NAV3: variants seen among roughly 807,000 people sequenced by gnomAD.
The protein encoded by NAV3 is pore membrane and/or filament interacting like protein 1.
Under a neutral mutation model 244.7 loss-of-function variants are expected in NAV3, and 87 were observed. That is an observed-to-expected ratio of 0.36 (90% CI 0.30 to 0.42). The LOEUF is 0.42. Ranked by LOEUF, NAV3 falls within the 20% of genes least tolerant of loss-of-function variation. The probability of loss-of-function intolerance (pLI) is 1.00; values close to 1 mark genes in which losing one functional copy is unlikely to be tolerated. For missense variants in NAV3, 2,663 were observed against 2,893.3 expected, an observed-to-expected ratio of 0.92 and a Z score of 1.83; for synonymous variants, 1,126 against 1,042.2, an observed-to-expected ratio of 1.08 and a Z score of -1.55.
intron 2 of NAV3, among the ~76,000 whole-genome samples, chr12:77,687,967 T>C (rs906999183): frequency 6.6e-6 from 1 of 152,102 alleles, no homozygotes; most frequent in African/African-American, 2.4e-5. Context: ...ATTGTTAGCA[T>C]TTTGTATATA....
At chr12:77,949,027 T>C (rs903724045) in intron 3 of NAV3, among the ~76,000 whole-genome samples, 2 of 152,020 alleles carry the variant, frequency 1.3e-5, no homozygotes, top group Admixed American at 6.6e-5. Context: ...TAAATTATTT[T>C]AATATGAATT....
rs368802788 is a variant in NAV3 at position 78,177,699 on chromosome 12, C to A, written c.5363+14C>A. The A allele has an allele frequency of 3.8e-6, 6 of 1,595,904 alleles. No individual in the cohort carries two copies. The East Asian group carries it at 1.1e-4, about 30-fold the overall frequency. ...GCATAGATCTCGGTAAAGTGGAGTG[C>A]GATGCATGAATACTGCAAAGATCCA... is the stretch of plus-strand genomic sequence containing the variant. On this transcript the variant is annotated intron_variant, in intron 28 of 39. Transcript: ENST00000397909.
intron 2 of NAV3, among the ~76,000 whole-genome samples, chr12:77,781,335 G>A (rs775350281): frequency 6.6e-6 from 1 of 152,134 alleles, no homozygotes; most frequent in Non-Finnish European, 1.5e-5. Flanking sequence ...CTTTAAGTCT[G>A]ATAAGAAACA....
chr12:78,175,757 G>C (rs1031226511), intron 25 of NAV3, among the ~76,000 whole-genome samples: 1 of 150,056 alleles, frequency 6.7e-6, no homozygotes, highest in Non-Finnish European at 1.5e-5. Context: ...TTTTTCTATA[G>C]TATAACTATA....
At chr12:77,751,908 T>C (rs1868876208) in intron 2 of NAV3, among the ~76,000 whole-genome samples, 2 of 152,362 alleles carry the variant, frequency 1.3e-5, no homozygotes, top group Admixed American at 1.3e-4. Context: ...AAGAAAATAT[T>C]GGAAATATTA....
rs182438953 is a variant in NAV3 at position 78,094,084 on chromosome 12, C to T, written c.2637-22688C>T. On this transcript the variant is annotated intron_variant, in intron 12 of 39. Transcript: ENST00000397909. The stretch of plus-strand genomic sequence containing the variant: ...CAAACTTCTGGCCTCAAGCAATCGT[C>T]CCACTTTAGCTTCCCAAAGTGCTGG... Among the ~76,000 whole-genome samples the T allele has an allele frequency of 4.2e-3, 639 of 152,340 alleles. 2 individuals are homozygous for T. The highest frequency in any genetic ancestry group is 0.019 in the South Asian group (94 of 4,828).
At chr12:77,935,964 T>G (rs916258321) in intron 1 of NAV3, among the ~76,000 whole-genome samples, 1 of 152,102 alleles carries the variant, frequency 6.6e-6, no homozygotes, top group East Asian at 1.9e-4. Context: ...ACCAGGCCCC[T>G]CCTCCAATAC....
intron 8 of NAV3, among the ~76,000 whole-genome samples, chr12:78,009,486 G>A (rs1593267743): frequency 6.9e-6 from 1 of 145,392 alleles, no homozygotes. Flanking sequence ...AAAAAAGGGC[G>A]ATAGAATATG....
In NAV3 at chr12:78,054,598, T is replaced by C. The variant is rs529600677; in HGVS notation, c.2516+3451T>C. Among the ~76,000 whole-genome samples, 26 of 152,254 alleles carry C rather than the reference T, an allele frequency of 1.7e-4. 1 individual carries two copies. Among genetic ancestry groups the C allele is most frequent in the African/African-American group, 5.1e-4 (21 of 41,550 alleles). On this transcript the variant is annotated intron_variant, in intron 11 of 39. Coordinates refer to ENST00000397909, the MANE Select transcript of NAV3 (RefSeq NM_001024383.2). ...CTAGTGCAAGAGCTCTGGCTCAAGC[T>C]CATAAGATTAGAAATATGGTAGTGG...
chr12:77,588,988 G>C (rs1869774726), intron 2 of NAV3, among the ~76,000 whole-genome samples: 1 of 152,114 alleles, frequency 6.6e-6, no homozygotes. Flanking sequence ...TGAGTACTAA[G>C]AGTCCTGTAC....
At chr12:78,198,918 C>CAAAAA (rs71088371) in intron 36 of NAV3, among the ~76,000 whole-genome samples, 1 of 99,516 alleles carries the variant, frequency 1.0e-5, no homozygotes, top group Non-Finnish European at 1.8e-5. Context: ...TAAACAAAAA[C>CAAAAA]AAAAAAAAAA....
chr12:77,887,781 C>T (rs1883461961), intron 1 of NAV3, among the ~76,000 whole-genome samples: 1 of 152,034 alleles, frequency 6.6e-6, no homozygotes, highest in Admixed American at 6.6e-5. Context: ...TGTAAAATAA[C>T]TAAACCTCAT....
chr12:78,059,916 C>A (rs911147236), intron 12 of NAV3, among the ~76,000 whole-genome samples: 1 of 151,648 alleles, frequency 6.6e-6, no homozygotes, highest in Admixed American at 6.6e-5. Context: ...AAAACTCTTA[C>A]TTTAGGCTTA....
chr12:77,953,868 T>A (rs957065063), intron 3 of NAV3, among the ~76,000 whole-genome samples: 1 of 152,176 alleles, frequency 6.6e-6, no homozygotes, highest in Non-Finnish European at 1.5e-5. Context: ...CTTGTATTAG[T>A]TTCCTGTGGC....
At chr12:77,685,506 C>CACACACACAT (rs34407806) in intron 2 of NAV3, among the ~76,000 whole-genome samples, 102,286 of 150,490 alleles carry the variant, frequency 0.68, 35,864 homozygotes, top group East Asian at 0.97. Flanking sequence ...CACACACACA[C>CACACACACAT]ATACCCACAC....
intron 1 of NAV3, among the ~76,000 whole-genome samples, chr12:77,892,932 A>G (rs1240338778): frequency 6.6e-6 from 1 of 152,160 alleles, no homozygotes; most frequent in Non-Finnish European, 1.5e-5. Flanking sequence ...TTGGTGGGTA[A>G]CTAATTTTGA....
intron 1 of NAV3, among the ~76,000 whole-genome samples, chr12:77,936,212 TAA>T (rs1889313807): frequency 6.6e-6 from 1 of 152,194 alleles, no homozygotes; most frequent in Non-Finnish European, 1.5e-5. Flanking sequence ...CTGATAAATG[TAA>T]AATATACCAT....
chr12:77,656,817 C>A (rs1296183928), intron 2 of NAV3, among the ~76,000 whole-genome samples: 1 of 151,904 alleles, frequency 6.6e-6, no homozygotes, highest in Non-Finnish European at 1.5e-5. Context: ...CTCAAAACCG[C>A]TCAACTACAT....
chr12:77,730,492 T>C (rs1041522210), intron 2 of NAV3, among the ~76,000 whole-genome samples: 8 of 151,576 alleles, frequency 5.3e-5, no homozygotes, highest in African/African-American at 1.9e-4. Context: ...GGTAAGAAAA[T>C]TGAGGAAAGT....
Sources: allele counts gnomAD v4.1 joint callset (sites outside exome capture counted in the v4.1 genomes callset), GRCh38; gene constraint gnomAD v4.1.1; transcripts MANE v1.5; gene names NCBI Gene and HGNC (gene_info 2026-07-23, HGNC 2026-07-21).